Variants in TUSC3 observed in about 807,000 individuals in gnomAD.
TUSC3 encodes the protein dolichyl-diphosphooligosaccharide--protein glycosyltransferase subunit TUSC3.
Under a neutral mutation model 44.8 loss-of-function variants are expected in TUSC3, and 45 were observed. The observed-to-expected ratio is 1.00, with a 90% CI of 0.79 to 1.29. The LOEUF (loss-of-function observed/expected upper bound fraction) is 1.29, where lower values mean the gene tolerates loss of function less well. TUSC3 is among the 50% of genes most tolerant of loss of function. The pLI is 0.00. For synonymous variants in TUSC3, 212 were observed against 152.9 expected (o/e 1.39, Z -2.85); for missense variants, 519 against 437.9 (o/e 1.19, Z -1.65).
the TUSC3 span, among the ~76,000 whole-genome samples, chr8:15,812,001 G>C: frequency 3.9e-5 from 6 of 152,120 alleles, no homozygotes; most frequent in Non-Finnish European, 7.4e-5. Context: ...CCCATGGTTT[G>C]TCATTGAATT....
intron 1 of TUSC3, among the ~76,000 whole-genome samples, chr8:15,435,555 C>G (rs540351961): frequency 3.3e-5 from 5 of 152,060 alleles, no homozygotes; most frequent in Non-Finnish European, 5.9e-5. Context: ...TGGACTGTTT[C>G]CAATTTCCAA....
chr8:15,540,203 A>G, upstream of TUSC3: 1 of 536,626 alleles, frequency 1.9e-6, no homozygotes, highest in South Asian at 5.0e-5. Flanking sequence ...CGCCACGCCC[A>G]CTTCCTGCCC....
chr8:15,748,504 ACT>A, intron 9 of TUSC3, 39 bp downstream of exon 9: 1 of 1,448,448 alleles, frequency 6.9e-7, no homozygotes, highest in Non-Finnish European at 9.7e-7. Context: ...TTTATTTTTA[ACT>A]AATAGAACAG....
Position 15,492,823 on chromosome 8 carries a change from C to T in TUSC3, n.189+9340C>T, listed in dbSNP as rs376975749. Among the ~76,000 whole-genome samples the T allele has an allele frequency of 3.3e-5, 5 of 151,608 alleles. No homozygotes were observed. In the East Asian group the frequency reaches 5.8e-4, roughly 18 times the overall value. On this transcript the variant is annotated intron_variant and non_coding_transcript_variant, in intron 2 of 5. Transcript: ENST00000503191. ...TAATAATATGTCATTTAACAATATC[C>T]ATATGAGTTTTTATCTTTGCATATA...
intron 1 of TUSC3, among the ~76,000 whole-genome samples, chr8:15,482,553 A>C (rs1800676529): frequency 6.6e-6 from 1 of 152,218 alleles, no homozygotes; most frequent in Non-Finnish European, 1.5e-5. Flanking sequence ...TTGACAATGT[A>C]CTCAATCATA....
At chr8:15,738,309 TA>T (rs1370745870) in intron 7 of TUSC3, among the ~76,000 whole-genome samples, 1 of 152,222 alleles carries the variant, frequency 6.6e-6, no homozygotes, top group East Asian at 1.9e-4. Context: ...TCTTGCATTT[TA>T]AAAAATTGTC....
chr8:15,442,775 G>T (rs1800037836), intron 1 of TUSC3, among the ~76,000 whole-genome samples: 1 of 152,054 alleles, frequency 6.6e-6, no homozygotes, highest in African/African-American at 2.4e-5. Flanking sequence ...CTTCCTCCTT[G>T]ACCAAACTTT....
Position 15,713,124 on chromosome 8 carries a change from G to A in TUSC3, c.799-17542G>A, listed in dbSNP as rs147450488. 8.7e-4 allele frequency among the ~76,000 whole-genome samples: 132 copies of A among 152,206 alleles called. 1 individual carries two copies. The highest frequency in any genetic ancestry group is 3.0e-3 in the African/African-American group (125 of 41,550). On this transcript the variant is annotated intron_variant, in intron 6 of 10. Transcript: ENST00000503731. ...CCACAAATACGTTTTTGTAAAAGTC[G>A]TAAAAGGTTGAAATAATACATAACT...
chr8:15,594,380 C>G (rs535324569), intron 1 of TUSC3, among the ~76,000 whole-genome samples: 1 of 151,858 alleles, frequency 6.6e-6, no homozygotes, highest in Non-Finnish European at 1.5e-5. Context: ...TGGTTTTGAT[C>G]GATTGATTTT....
chr8:15,419,087 A>G (rs1169664478), intron 1 of TUSC3, among the ~76,000 whole-genome samples: 1 of 152,172 alleles, frequency 6.6e-6, no homozygotes, highest in East Asian at 1.9e-4. Flanking sequence ...ACAATGATAC[A>G]TTTCCCTCTC....
chr8:15,573,200 C>CTATATA (rs756046911), intron 1 of TUSC3, among the ~76,000 whole-genome samples: 160 of 99,460 alleles, frequency 1.6e-3, no homozygotes, highest in South Asian at 1.9e-3. Flanking sequence ...CTCTCTCTCT[C>CTATATA]TCTATATATA....
chr8:15,420,071 A>G (rs1340702139), intron 1 of TUSC3, among the ~76,000 whole-genome samples: 1 of 152,172 alleles, frequency 6.6e-6, no homozygotes, highest in Non-Finnish European at 1.5e-5. Context: ...TGATGTAATG[A>G]TGCCAAAAAC....
At chr8:15,789,208 C>T in the TUSC3 span, among the ~76,000 whole-genome samples, 1 of 152,194 alleles carries the variant, frequency 6.6e-6, no homozygotes, top group Non-Finnish European at 1.5e-5. Context: ...CGAGGCGGCT[C>T]ATGTCACTGA....
intron 2 of TUSC3, among the ~76,000 whole-genome samples, chr8:15,493,825 G>A (rs886709042): frequency 1.3e-5 from 2 of 152,130 alleles, no homozygotes; most frequent in Non-Finnish European, 2.9e-5. Flanking sequence ...TAACCTTTCC[G>A]ATTGAGTTTG....
intron 6 of TUSC3, among the ~76,000 whole-genome samples, chr8:15,722,148 A>T (rs532702868): frequency 3.3e-5 from 5 of 151,582 alleles, no homozygotes; most frequent in Admixed American, 3.3e-4. Flanking sequence ...CCTGCAGTCT[A>T]TGTTTTTGTT....
chr8:15,471,261 G>A lies in TUSC3; in HGVS notation n.92-12125G>A, dbSNP rs1004241935. Among the ~76,000 whole-genome samples the A allele has an allele frequency of 3.3e-5, 5 of 152,238 alleles. No homozygotes were observed. In the South Asian group the frequency reaches 8.3e-4, roughly 25 times the overall value. The stretch of plus-strand genomic sequence containing the variant: ...CTCATGTTTATTTCAGTGTTTAGTA[G>A]TGGAAGTGATTTCATCTTAAGAAAT... On this transcript the variant is annotated intron_variant and non_coding_transcript_variant, in intron 1 of 5. Coordinates refer to the TUSC3 transcript ENST00000503191.
At chr8:15,597,720 A>G (rs929600897) in intron 1 of TUSC3, among the ~76,000 whole-genome samples, 1 of 152,096 alleles carries the variant, frequency 6.6e-6, no homozygotes, top group Non-Finnish European at 1.5e-5. Flanking sequence ...GAAAATGACC[A>G]GATATCTGAC....
intron 1 of TUSC3, among the ~76,000 whole-genome samples, chr8:15,464,119 G>A (rs916207706): frequency 1.3e-5 from 2 of 152,148 alleles, no homozygotes; most frequent in African/African-American, 4.8e-5. Context: ...TGGCAAATTA[G>A]CCAAAATGGT....
chr8:15,435,938 T>C (rs969362381), intron 1 of TUSC3, among the ~76,000 whole-genome samples: 4 of 152,224 alleles, frequency 2.6e-5, no homozygotes, highest in Admixed American at 2.0e-4. Context: ...GTTAGGGTTT[T>C]GGAGAAGCTT....
Sources: allele counts gnomAD v4.1 joint callset (sites outside exome capture counted in the v4.1 genomes callset), GRCh38; gene constraint gnomAD v4.1.1; transcripts MANE v1.5; gene names NCBI Gene and HGNC (gene_info 2026-07-23, HGNC 2026-07-21).